Variants in HS2ST1 observed in about 807,000 individuals in gnomAD.
HS2ST1 encodes the protein heparan sulfate 2-O-sulfotransferase 1.
Under a neutral mutation model 42.9 loss-of-function variants are expected in HS2ST1, and 18 were observed. The observed-to-expected ratio is 0.42, with a 90% CI of 0.29 to 0.62. The LOEUF (loss-of-function observed/expected upper bound fraction) is 0.62, where lower values mean the gene tolerates loss of function less well. Among genes scored for constraint, HS2ST1 ranks in the 20% least tolerant of loss-of-function variants. HS2ST1 has a pLI of 0.21. For synonymous variants in HS2ST1, 146 were observed against 152.9 expected (o/e 0.95, Z 0.33); for missense variants, 334 against 433.8 (o/e 0.77, Z 2.04).
At chr1:87,035,882 T>TA (rs1650361599) in intron 1 of HS2ST1, among the ~76,000 whole-genome samples, 1 of 151,998 alleles carries the variant, frequency 6.6e-6, no homozygotes, top group Non-Finnish European at 1.5e-5. Context: ...GCAGGTTTGT[T>TA]ACGTTAAGTA....
At chr1:87,021,381 C>T (rs977306342) in intron 1 of HS2ST1, among the ~76,000 whole-genome samples, 1 of 152,172 alleles carries the variant, frequency 6.6e-6, no homozygotes, top group Non-Finnish European at 1.5e-5. Flanking sequence ...CCATAAATCC[C>T]TTCTTGAGAT....
At chr1:87,044,927 TG>T in intron 1 of HS2ST1, 1 of 1,550,374 alleles carries the variant, frequency 6.5e-7, no homozygotes, top group Non-Finnish European at 8.7e-7. Flanking sequence ...GAGGCATTTC[TG>T]TTCAATCTAA....
At chr1:87,064,451 C>G (rs779766599) in intron 1 of HS2ST1, 3 of 518,094 alleles carry the variant, frequency 5.8e-6, no homozygotes, top group Non-Finnish European at 1.2e-5. Flanking sequence ...TCCATCTTCC[C>G]TTAAAGTGGA....
intron 1 of HS2ST1, among the ~76,000 whole-genome samples, chr1:87,001,223 A>T (rs114885850): frequency 6.6e-6 from 1 of 152,196 alleles, no homozygotes; most frequent in Non-Finnish European, 1.5e-5. Flanking sequence ...TTTACTGTAC[A>T]CAGGCTACTC....
chr1:87,073,164 C>G lies in HS2ST1; in HGVS notation c.355C>G (p.Gln119Glu). 1 of 1,598,400 alleles carries G rather than the reference C, an allele frequency of 6.3e-7. No homozygotes were observed. The highest frequency in any genetic ancestry group is 8.6e-7 in the Non-Finnish European group (1 of 1,165,844). Residue 119 changes from glutamine to glutamate, a missense_variant, in exon 2 of 7, where the codon CAA (glutamine) becomes GAA (glutamate). By Grantham distance (29) the Gln-to-Glu change is conservative (BLOSUM62 2). Transcript: ENST00000370550. Reference protein sequence around the residue: ...TTKNNPVMSLQDQVRFVKNIT... With the variant: ...TTKNNPVMSLEDQVRFVKNIT... Reference sequence around the variant, plus strand: ...CAAAAATAATCCAGTGATGTCATTGCAAGATCAGGTAATTACCACTTAAGG... The same window carrying G: ...CAAAAATAATCCAGTGATGTCATTGGAAGATCAGGTAATTACCACTTAAGG...
intron 1 of HS2ST1, among the ~76,000 whole-genome samples, chr1:86,933,515 C>G (rs1166432617): frequency 6.6e-6 from 1 of 152,018 alleles, no homozygotes; most frequent in Non-Finnish European, 1.5e-5. Context: ...TTAGAGTTTC[C>G]ATGTCTCTGC....
At chr1:86,947,681 T>C (rs1482624801) in intron 1 of HS2ST1, among the ~76,000 whole-genome samples, 1 of 152,014 alleles carries the variant, frequency 6.6e-6, no homozygotes, top group African/African-American at 2.4e-5. Context: ...TTCTGAATGC[T>C]AGCCAGGTGT....
At chr1:87,027,120 G>C (rs1157381252) in intron 1 of HS2ST1, among the ~76,000 whole-genome samples, 1 of 152,126 alleles carries the variant, frequency 6.6e-6, no homozygotes, top group Non-Finnish European at 1.5e-5. Context: ...AATACCATTA[G>C]AATAGCAGTG....
At chr1:86,990,395 A>T (rs1474574805) in intron 1 of HS2ST1, among the ~76,000 whole-genome samples, 1 of 152,186 alleles carries the variant, frequency 6.6e-6, no homozygotes, top group East Asian at 1.9e-4. Flanking sequence ...GAAATTAAGC[A>T]TCACATTTTT....
intron 1 of HS2ST1, among the ~76,000 whole-genome samples, chr1:87,005,211 G>A (rs1367890108): frequency 6.6e-6 from 1 of 152,118 alleles, no homozygotes; most frequent in Non-Finnish European, 1.5e-5. Flanking sequence ...CCCACGCAGA[G>A]GCAGAATCCT....
At chr1:87,080,811 G>T (rs1320830947) in intron 2 of HS2ST1, among the ~76,000 whole-genome samples, 1 of 152,178 alleles carries the variant, frequency 6.6e-6, no homozygotes, top group Non-Finnish European at 1.5e-5. Context: ...TGAATATGGT[G>T]CTGCCCTGTC....
At position 87,106,987 on chromosome 1, in the gene HS2ST1, C is replaced by T. The variant is rs1023400046; in HGVS notation, c.*2291C>T. On this transcript the variant is annotated 3_prime_UTR_variant, in exon 7 of 7. Transcript: ENST00000370550. ...TTTGCAGCCCATACGGTCTCTGTCACAGCTAGTCAACCCTGCCATTTTACC... is the reference window on the plus strand; with the variant it reads ...TTTGCAGCCCATACGGTCTCTGTCATAGCTAGTCAACCCTGCCATTTTACC... 6.6e-6 allele frequency: 1 copy of T among 152,082 alleles called. No homozygotes were observed. The highest frequency in any genetic ancestry group is 2.4e-5 in the African/African-American group (1 of 41,442). 9.4% of individuals were successfully genotyped at this position (152,082 alleles called of 1,614,324 possible).
In HS2ST1 at chr1:86,971,521, A is replaced by T. The variant is rs1262692972; in HGVS notation, c.124+56361A>T. Among the ~76,000 whole-genome samples the T allele has an allele frequency of 2.0e-5, 3 of 152,182 alleles. 1 individual carries two copies. The highest frequency in any genetic ancestry group is 2.0e-4 in the Admixed American group (3 of 15,276). On this transcript the variant is annotated intron_variant, in intron 1 of 6. Transcript: ENST00000370550. Reference sequence around the variant, plus strand: ...TACTCAGCTTAGGTCAGATGGTTAGATGTCTAGTCTTATATCTAACAGATT... The same window carrying T: ...TACTCAGCTTAGGTCAGATGGTTAGTTGTCTAGTCTTATATCTAACAGATT...
intron 1 of HS2ST1, among the ~76,000 whole-genome samples, chr1:86,949,157 G>A (rs1041853687): frequency 1.3e-5 from 2 of 151,986 alleles, no homozygotes; most frequent in African/African-American, 4.8e-5. Context: ...CGCTCAGGCC[G>A]GAGTGCAATG....
At chr1:87,073,234 C>G in intron 2 of HS2ST1, 62 bp downstream of exon 2, 1 of 1,135,714 alleles carries the variant, frequency 8.8e-7, no homozygotes, top group Non-Finnish European at 1.3e-6. Context: ...AATTTTCTAG[C>G]TCAAGGGGAT....
intron 1 of HS2ST1, among the ~76,000 whole-genome samples, chr1:86,923,933 C>T (rs1286022076): frequency 1.3e-5 from 2 of 152,128 alleles, no homozygotes; most frequent in Non-Finnish European, 2.9e-5. Flanking sequence ...CCCACAGTCC[C>T]CCAAAGTCTT....
At chr1:87,097,015 A>T (rs542905729) in intron 4 of HS2ST1, among the ~76,000 whole-genome samples, 65 of 152,370 alleles carry the variant, frequency 4.3e-4, no homozygotes, top group Non-Finnish European at 8.4e-4. Context: ...TTCAGAAATA[A>T]TATCAAATGC....
At chr1:87,041,405 T>TA (rs567256002) in intron 1 of HS2ST1, among the ~76,000 whole-genome samples, 125 of 151,810 alleles carry the variant, frequency 8.2e-4, no homozygotes, top group African/African-American at 3.0e-3. Flanking sequence ...TATATAAATT[T>TA]AAAAAAAGAA....
At chr1:86,989,176 A>G (rs532732904) in intron 1 of HS2ST1, among the ~76,000 whole-genome samples, 58 of 152,340 alleles carry the variant, frequency 3.8e-4, no homozygotes, top group African/African-American at 1.2e-3. Flanking sequence ...TTAGAGACCA[A>G]TTTAGTTCAG....
Sources: allele counts gnomAD v4.1 joint callset (sites outside exome capture counted in the v4.1 genomes callset), GRCh38; gene constraint gnomAD v4.1.1; transcripts MANE v1.5; gene names NCBI Gene and HGNC (gene_info 2026-07-23, HGNC 2026-07-21).